MCMDC2: variants seen among roughly 807,000 people sequenced by gnomAD.
MCMDC2 encodes the protein minichromosome maintenance domain-containing protein 2.
Under a neutral mutation model 75.8 loss-of-function variants are expected in MCMDC2, and 54 were observed. The observed-to-expected ratio is 0.71, with a 90% CI of 0.57 to 0.89. The LOEUF (loss-of-function observed/expected upper bound fraction) is 0.89, where lower values mean the gene tolerates loss of function less well. Among genes scored for constraint, MCMDC2 ranks in the 40% least tolerant of loss-of-function variants. MCMDC2 has a pLI of 0.00. For missense variants in MCMDC2, 656 were observed against 780.4 expected, an observed-to-expected ratio of 0.84 and a Z score of 1.90; for synonymous variants, 249 against 274.6, an observed-to-expected ratio of 0.91 and a Z score of 0.92.
chr8:66,915,421 C>A (rs1387861855), intron 14 of MCMDC2, among the ~76,000 whole-genome samples: 1 of 149,342 alleles, frequency 6.7e-6, no homozygotes, highest in Non-Finnish European at 1.5e-5. Flanking sequence ...CACTGCACTC[C>A]AGCCTAGGTG....
chr8:66,871,230 C>T (rs1173909691), intron 1 of MCMDC2, among the ~76,000 whole-genome samples: 1 of 152,156 alleles, frequency 6.6e-6, no homozygotes, highest in East Asian at 1.9e-4. Context: ...TGCCACCGAA[C>T]TCCAGGCCCT....
rs762041360 is a variant in MCMDC2, at chr8:66,919,163, T to C, written c.2040T>C (p.Asp680=). 6.5e-7 allele frequency: 1 copy of C among 1,536,098 alleles called. No individual in the cohort carries two copies. Among genetic ancestry groups the C allele is most frequent in the South Asian group, 1.2e-5 (1 of 80,546 alleles). ...YGPGTTIFSS[D]E is the part of the protein sequence containing the mutation. ...CTGGGACAACTATTTTCTCTAGTGA[T>C]GAATAAGCAATTTGAGGAATTTTTG... The change falls in exon 15 of 15, where the codon GAT becomes GAC. Residue 680 remains aspartate, a synonymous_variant. Transcript: ENST00000422365.
At position 66,919,210 on chromosome 8, in the gene MCMDC2, G is replaced by C; in HGVS notation, c.*41G>C. On this transcript the variant is annotated 3_prime_UTR_variant, in exon 15 of 15. Coordinates refer to ENST00000422365, the MANE Select transcript of MCMDC2 (RefSeq NM_173518.5). ...TTTGTTCATTCCTACTTAAGCAGTG[G>C]AGAAAAAGTGTGACTATTTTGAGAG... The C allele has an allele frequency of 6.8e-7, 1 of 1,469,928 alleles. No homozygotes were observed. Among genetic ancestry groups the C allele is most frequent in the Non-Finnish European group, 9.1e-7 (1 of 1,094,270 alleles). The allele number at this position is 1,469,928 out of a possible 1,614,324, so 91.1% of individuals were successfully genotyped here. A position where few individuals can be genotyped will look rare whatever the true frequency, so the allele number is the denominator to read the frequency against.
At chr8:66,881,019 A>G in intron 8 of MCMDC2, 45 bp downstream of exon 8, 1 of 1,345,278 alleles carries the variant, frequency 7.4e-7, no homozygotes, top group South Asian at 2.0e-5. Context: ...ATTTAAATTT[A>G]AATCTATTTG....
chr8:66,919,719 A>G lies in MCMDC2; in HGVS notation c.*550A>G, dbSNP rs1185174033. 2 of 152,180 alleles carry G rather than the reference A, an allele frequency of 1.3e-5. No homozygotes were observed. The highest frequency in any genetic ancestry group is 1.3e-4 in the Admixed American group (2 of 15,260). 9.4% of individuals were successfully genotyped at this position (152,180 alleles called of 1,614,324 possible). ...ACATACTACTGTTTTAGAAGCCCTA[A>G]ATATGGAATCGGGAAAAGCCTTGGA... is the stretch of plus-strand genomic sequence containing the variant. On this transcript the variant is annotated 3_prime_UTR_variant, in exon 15 of 15. Coordinates refer to ENST00000422365, the MANE Select transcript of MCMDC2 (RefSeq NM_173518.5).
rs1009973469 is a variant in MCMDC2 at position 66,921,155 on chromosome 8, A to G, written c.*1986A>G. The G allele has an allele frequency of 1.3e-5, 2 of 152,218 alleles. No homozygotes were observed. Among genetic ancestry groups the G allele is most frequent in the Non-Finnish European group, 2.9e-5 (2 of 68,046 alleles). The allele number at this position is 152,218 out of a possible 1,614,324, so 9.4% of individuals were successfully genotyped here. On this transcript the variant is annotated 3_prime_UTR_variant, in exon 15 of 15. Coordinates refer to ENST00000422365, the MANE Select transcript of MCMDC2 (RefSeq NM_173518.5). Reference sequence around the variant, plus strand: ...AATTAAAATGTTTAAGTTTCTCATTAAAGAGTAGAAGTGTACATTCAGAAA... The same window carrying G: ...AATTAAAATGTTTAAGTTTCTCATTGAAGAGTAGAAGTGTACATTCAGAAA...
intron 13 of MCMDC2, 28 bp downstream of exon 13, chr8:66,901,376 T>C (rs1330615136): frequency 6.3e-7 from 1 of 1,584,610 alleles, no homozygotes; most frequent in African/African-American, 1.4e-5. Flanking sequence ...GATTTTAAAA[T>C]CAGCATTGAG....
intron 14 of MCMDC2, 98 bp downstream of exon 14, chr8:66,905,433 A>T: frequency 5.7e-6 from 6 of 1,053,992 alleles, no homozygotes; most frequent in Non-Finnish European, 7.4e-6. Context: ...TATTTTTAAA[A>T]TATTATTTTA....
chr8:66,872,565 C>A (rs1304671240), intron 1 of MCMDC2, among the ~76,000 whole-genome samples: 1 of 152,080 alleles, frequency 6.6e-6, no homozygotes, highest in Non-Finnish European at 1.5e-5. Context: ...TCTCTCACTG[C>A]ACTCTTTCTG....
chr8:66,901,505 T>C, intron 13 of MCMDC2, 157 bp downstream of exon 13: 1 of 1,355,018 alleles, frequency 7.4e-7, no homozygotes, highest in Non-Finnish European at 9.5e-7. Flanking sequence ...GGCTTCACAA[T>C]TCCTTTTGTT....
Position 66,877,372 on chromosome 8 carries a change from A to G in MCMDC2, c.309A>G (p.Thr103=), listed in dbSNP as rs756986021. 2 of 1,610,124 alleles carry G rather than the reference A, an allele frequency of 1.2e-6. No homozygotes were observed. Among genetic ancestry groups the G allele is most frequent in the South Asian group, 2.2e-5 (2 of 90,128 alleles). Residue 103 remains threonine (T), a synonymous_variant, in exon 5 of 15, where the codon ACA becomes ACG. Transcript: ENST00000422365. ...AGATTAATATAGTGCTGAAATTAACACATTTACCTCCCCTGCCAAGTTATG... is the reference window on the plus strand; with the variant it reads ...AGATTAATATAGTGCTGAAATTAACGCATTTACCTCCCCTGCCAAGTTATG... ...ETQINIVLKL[T]HLPPLPSYGL...
chr8:66,913,995 T>C (rs1237292583), intron 14 of MCMDC2, among the ~76,000 whole-genome samples: 1 of 133,990 alleles, frequency 7.5e-6, no homozygotes, highest in Non-Finnish European at 1.6e-5. Context: ...AGTAAACACA[T>C]GGTGGGGCAT....
intron 12 of MCMDC2, among the ~76,000 whole-genome samples, chr8:66,897,177 C>T (rs1477764849): frequency 6.6e-6 from 1 of 151,958 alleles, no homozygotes; most frequent in Admixed American, 6.6e-5. Context: ...GAGGCCCAGG[C>T]GGGTGGCTCA....
At chr8:66,916,343 A>G (rs1813319107) in intron 14 of MCMDC2, among the ~76,000 whole-genome samples, 1 of 152,166 alleles carries the variant, frequency 6.6e-6, no homozygotes, top group African/African-American at 2.4e-5. Context: ...AAGTCTGGCC[A>G]TATACTTTAC....
chr8:66,909,227 G>A (rs376298019), intron 14 of MCMDC2, among the ~76,000 whole-genome samples: 24 of 152,182 alleles, frequency 1.6e-4, no homozygotes, highest in Admixed American at 7.2e-4. Context: ...CCCCAGCCAC[G>A]CTGAACTGTG....
rs779300445 is a variant in MCMDC2 at position 66,921,138 on chromosome 8, T to G, written c.*1969T>G. ...TTACTTCACCACAAAAAAATTAAAA[T>G]GTTTAAGTTTCTCATTAAAGAGTAG... On this transcript the variant is annotated 3_prime_UTR_variant, in exon 15 of 15. Coordinates refer to ENST00000422365, the MANE Select transcript of MCMDC2 (RefSeq NM_173518.5). The G allele has an allele frequency of 1.4e-4, 22 of 152,114 alleles. No individual in the cohort carries two copies. Among genetic ancestry groups the G allele is most frequent in the Admixed American group, 3.3e-4 (5 of 15,264 alleles). The allele number at this position is 152,114 out of a possible 1,614,324, so 9.4% of individuals were successfully genotyped here.
At chr8:66,901,172 A>C in intron 12 of MCMDC2, 34 bp from the exon 13 acceptor site, 1 of 1,503,982 alleles carries the variant, frequency 6.6e-7, no homozygotes, top group Non-Finnish European at 9.2e-7. Flanking sequence ...TCCATAATAA[A>C]GCTTGATTAT....
intron 12 of MCMDC2, among the ~76,000 whole-genome samples, chr8:66,897,389 AGAGT>A (rs781310429): frequency 1.1e-4 from 17 of 151,234 alleles, no homozygotes; most frequent in Non-Finnish European, 1.8e-4. Context: ...CCTGGGTGAT[AGAGT>A]AAGACCCTGT....
chr8:66,883,912 G>A lies in MCMDC2; in HGVS notation c.991G>A (p.Val331Ile), dbSNP rs369268182. 7.4e-5 allele frequency: 120 copies of A among 1,613,986 alleles called. No homozygotes were observed. The East Asian group carries it at 1.4e-3, about 19-fold the overall frequency. The change falls in exon 9 of 15, where the codon GTA becomes ATA. Residue 331 changes from valine (V) to isoleucine (I), a missense_variant. By Grantham distance (29) the Val-to-Ile change is conservative. Transcript: ENST00000422365. ...LLKLCLLMSL[V>I]QTTDRNKELE... ...CAAGCTCTGTTTGTTGATGAGTCTA[G>A]TACAGACAACTGACCGTAACAAGGA...
Sources: gnomAD v4.1 joint callset for allele counts (sites outside exome capture counted in the v4.1 genomes callset) on GRCh38, gnomAD v4.1.1 for gene constraint, MANE v1.5 for transcripts, NCBI Gene and HGNC (gene_info 2026-07-23, HGNC 2026-07-21) for gene names.